Variants in MAP2K6 observed in about 807,000 individuals in gnomAD.
MAP2K6 encodes the protein mitogen-activated protein kinase kinase 6.
In MAP2K6, 16 loss-of-function variants were observed where a neutral mutation model predicts 53.7. That is an observed-to-expected ratio of 0.30 (90% CI 0.20 to 0.45). The LOEUF (loss-of-function observed/expected upper bound fraction) is 0.45. MAP2K6 is among the 20% of genes least tolerant of loss of function. The probability of loss-of-function intolerance (pLI) is 1.00; values close to 1 mark genes in which losing one functional copy is unlikely to be tolerated. For missense variants in MAP2K6, 204 were observed against 411.9 expected, an observed-to-expected ratio of 0.50 and a Z score of 4.37; for synonymous variants, 132 against 143.1, an observed-to-expected ratio of 0.92 and a Z score of 0.55.
intron 1 of MAP2K6, among the ~76,000 whole-genome samples, chr17:69,422,779 T>G (rs1906132507): frequency 6.6e-6 from 1 of 152,240 alleles, no homozygotes; most frequent in Non-Finnish European, 1.5e-5. Context: ...CATGGCTGGA[T>G]AGCGAGTCAG....
chr17:69,444,925 A>G (rs1906926970), intron 1 of MAP2K6, among the ~76,000 whole-genome samples: 1 of 152,036 alleles, frequency 6.6e-6, no homozygotes, highest in Non-Finnish European at 1.5e-5. Flanking sequence ...TTTTATTTTT[A>G]TTTTTATTTT....
At chr17:69,534,580 T>A (rs1319124042) in intron 10 of MAP2K6, among the ~76,000 whole-genome samples, 1 of 152,020 alleles carries the variant, frequency 6.6e-6, no homozygotes, top group East Asian at 1.9e-4. Context: ...TTTTTTTAAT[T>A]TTATTTCGTT....
intron 1 of MAP2K6, among the ~76,000 whole-genome samples, chr17:69,493,156 TAGAC>T (rs755547270): frequency 3.9e-5 from 6 of 152,278 alleles, no homozygotes; most frequent in East Asian, 1.9e-4. Flanking sequence ...TGGAAACAAG[TAGAC>T]AGATTAATAG....
At chr17:69,454,098 G>A (rs1907320372) in intron 1 of MAP2K6, among the ~76,000 whole-genome samples, 1 of 152,188 alleles carries the variant, frequency 6.6e-6, no homozygotes, top group Non-Finnish European at 1.5e-5. Context: ...ATTTCCTAGT[G>A]ACACGGTCAA....
At chr17:69,492,643 C>T (rs1219098380) in intron 1 of MAP2K6, among the ~76,000 whole-genome samples, 1 of 152,180 alleles carries the variant, frequency 6.6e-6, no homozygotes, top group East Asian at 1.9e-4. Flanking sequence ...CCTTACATTG[C>T]AGCTGCATCA....
intron 1 of MAP2K6, among the ~76,000 whole-genome samples, chr17:69,420,817 G>A (rs766877047): frequency 1.3e-5 from 2 of 152,166 alleles, no homozygotes; most frequent in Non-Finnish European, 2.9e-5. Context: ...TGGCAAGGGG[G>A]AGCTGATGGT....
intron 1 of MAP2K6, among the ~76,000 whole-genome samples, chr17:69,430,632 A>G (rs1906431949): frequency 1.3e-5 from 2 of 152,176 alleles, no homozygotes; most frequent in African/African-American, 4.8e-5. Context: ...TGTTTCAAAC[A>G]AGCCCGGACT....
At chr17:69,444,288 GT>G (rs1185335754) in intron 1 of MAP2K6, among the ~76,000 whole-genome samples, 1 of 152,154 alleles carries the variant, frequency 6.6e-6, no homozygotes, top group Non-Finnish European at 1.5e-5. Flanking sequence ...TCACTGGGAG[GT>G]TTTAGGATAG....
intron 8 of MAP2K6, among the ~76,000 whole-genome samples, chr17:69,523,924 A>G (rs1318550703): frequency 6.6e-6 from 1 of 152,202 alleles, no homozygotes; most frequent in Non-Finnish European, 1.5e-5. Flanking sequence ...AGGAAATCCA[A>G]GATGAAGGCA....
At chr17:69,426,617 G>A (rs1906283160) in intron 1 of MAP2K6, among the ~76,000 whole-genome samples, 1 of 152,114 alleles carries the variant, frequency 6.6e-6, no homozygotes, top group South Asian at 2.1e-4. Context: ...GTACTATTGA[G>A]TGGGAAAGTC....
chr17:69,463,681 C>T (rs1434557814), intron 1 of MAP2K6, among the ~76,000 whole-genome samples: 1 of 151,662 alleles, frequency 6.6e-6, no homozygotes, highest in African/African-American at 2.4e-5. Flanking sequence ...TATATACACA[C>T]ACACACACAT....
At chr17:69,492,867 T>C (rs1436205346) in intron 1 of MAP2K6, among the ~76,000 whole-genome samples, 1 of 152,210 alleles carries the variant, frequency 6.6e-6, no homozygotes, top group Non-Finnish European at 1.5e-5. Flanking sequence ...GATATGGGCA[T>C]GAACTTGGGA....
At chr17:69,541,494 G>T (rs1253000483) in intron 11 of MAP2K6, among the ~76,000 whole-genome samples, 182 bp from the exon 12 acceptor site, 1 of 151,964 alleles carries the variant, frequency 6.6e-6, no homozygotes, top group Non-Finnish European at 1.5e-5. Flanking sequence ...ACAACTAAGA[G>T]ATATCTTTAA....
intron 10 of MAP2K6, among the ~76,000 whole-genome samples, chr17:69,528,885 A>G (rs1244973639): frequency 6.7e-6 from 1 of 148,812 alleles, no homozygotes; most frequent in African/African-American, 2.5e-5. Flanking sequence ...AAAAAAAAAA[A>G]AAAGATGAGG....
At chr17:69,541,224 C>G (rs1911609788) in intron 11 of MAP2K6, among the ~76,000 whole-genome samples, 1 of 152,084 alleles carries the variant, frequency 6.6e-6, no homozygotes, top group African/African-American at 2.4e-5. Context: ...GATCGCACCA[C>G]TGCACTCCAG....
chr17:69,510,709 A>G (rs1305072591), intron 2 of MAP2K6, among the ~76,000 whole-genome samples: 1 of 151,770 alleles, frequency 6.6e-6, no homozygotes, highest in Non-Finnish European at 1.5e-5. Flanking sequence ...GAGTTGGTCC[A>G]TTTCTTCCAA....
intron 1 of MAP2K6, among the ~76,000 whole-genome samples, chr17:69,446,736 G>T (rs1906976754): frequency 6.6e-6 from 1 of 152,110 alleles, no homozygotes; most frequent in Non-Finnish European, 1.5e-5. Flanking sequence ...GGTATCATTT[G>T]AGTACCCCCC....
At chr17:69,501,546 T>G (rs543822877) in intron 1 of MAP2K6, among the ~76,000 whole-genome samples, 1 of 152,352 alleles carries the variant, frequency 6.6e-6, no homozygotes, top group East Asian at 1.9e-4. Flanking sequence ...AGGCCAGGAT[T>G]ATAATGACCC....
At chr17:69,421,792 C>G (rs993450013) in intron 1 of MAP2K6, among the ~76,000 whole-genome samples, 11 of 152,034 alleles carry the variant, frequency 7.2e-5, no homozygotes, top group Non-Finnish European at 1.3e-4. Context: ...ATCCACCCGC[C>G]TCGGCCTCCC....
Sources: gnomAD v4.1 joint callset for allele counts (sites outside exome capture counted in the v4.1 genomes callset) on GRCh38, gnomAD v4.1.1 for gene constraint, MANE v1.5 for transcripts, NCBI Gene and HGNC (gene_info 2026-07-23, HGNC 2026-07-21) for gene names.